HSD17B12: variants seen among roughly 807,000 people sequenced by gnomAD.
HSD17B12 encodes hydroxysteroid 17-beta dehydrogenase 12.
A neutral mutation model predicts 39.3 loss-of-function variants in HSD17B12; 32 were observed. The ratio of observed to expected loss-of-function variants is 0.81; its 90% CI spans 0.61 to 1.09. The LOEUF (loss-of-function observed/expected upper bound fraction) is 1.09, where lower values mean the gene tolerates loss of function less well. Among genes scored for constraint, HSD17B12 ranks in the 50% least tolerant of loss-of-function variants. HSD17B12 has a pLI of 0.00. For missense variants in HSD17B12, 342 were observed against 382.9 expected, an observed-to-expected ratio of 0.89 and a Z score of 0.89; for synonymous variants, 150 against 146.7, an observed-to-expected ratio of 1.02 and a Z score of -0.16.
chr11:43,768,451 G>GT (rs890174040), intron 3 of HSD17B12, among the ~76,000 whole-genome samples: 8 of 152,174 alleles, frequency 5.3e-5, no homozygotes, highest in African/African-American at 1.9e-4. Context: ...GCCTCCTGGT[G>GT]TGTCCAGAGT....
chr11:43,741,304 T>G (rs1950362283), intron 1 of HSD17B12, among the ~76,000 whole-genome samples: 1 of 152,286 alleles, frequency 6.6e-6, no homozygotes, highest in South Asian at 2.1e-4. Context: ...CTATTAAATT[T>G]TAGTTAAGAA....
the HSD17B12 span, among the ~76,000 whole-genome samples, chr11:43,572,385 T>C: frequency 6.6e-6 from 1 of 152,166 alleles, no homozygotes; most frequent in Non-Finnish European, 1.5e-5. Flanking sequence ...AGAAAATGTC[T>C]GAGAAAGTCC....
chr11:43,652,293 T>G, the HSD17B12 span, among the ~76,000 whole-genome samples: 1 of 152,196 alleles, frequency 6.6e-6, no homozygotes, highest in Non-Finnish European at 1.5e-5. Context: ...ATTTATGCTA[T>G]GTAAAACAAT....
chr11:43,807,009 A>ACACTATTAT (rs1951024780), intron 4 of HSD17B12, among the ~76,000 whole-genome samples: 1 of 151,330 alleles, frequency 6.6e-6, no homozygotes, highest in Non-Finnish European at 1.5e-5. Flanking sequence ...AATAAGAAAG[A>ACACTATTAT]CACTGTTATC....
intron 9 of HSD17B12, chr11:43,852,009 C>T (rs549813644): frequency 1.1e-4 from 16 of 147,666 alleles, no homozygotes; most frequent in African/African-American, 2.4e-4. Context: ...TTAGCTCAAA[C>T]GCTGTTTCGT....
intron 3 of HSD17B12, among the ~76,000 whole-genome samples, chr11:43,769,083 G>A (rs549360420): frequency 9.9e-5 from 15 of 152,266 alleles, no homozygotes; most frequent in Non-Finnish European, 1.5e-4. Flanking sequence ...AGGATTACAG[G>A]GGCCTGCCAC....
chr11:43,695,559 CAA>C (rs1949903388), intron 1 of HSD17B12, among the ~76,000 whole-genome samples: 1 of 152,086 alleles, frequency 6.6e-6, no homozygotes, highest in Non-Finnish European at 1.5e-5. Flanking sequence ...GCCTGGGCAA[CAA>C]GAGCAAAACT....
chr11:43,770,428 T>G (rs1368577749), intron 3 of HSD17B12, among the ~76,000 whole-genome samples: 2 of 152,150 alleles, frequency 1.3e-5, no homozygotes, highest in Admixed American at 1.3e-4. Context: ...GACTTGGCAC[T>G]GATGACATTT....
At chr11:43,774,296 C>T (rs908822929) in intron 3 of HSD17B12, among the ~76,000 whole-genome samples, 1 of 152,052 alleles carries the variant, frequency 6.6e-6, no homozygotes, top group African/African-American at 2.4e-5. Context: ...TCACTGCAAC[C>T]TCTGCCTCCC....
the HSD17B12 span, among the ~76,000 whole-genome samples, chr11:43,606,416 T>A: frequency 1.3e-5 from 2 of 152,202 alleles, no homozygotes; most frequent in African/African-American, 2.4e-5. Context: ...GTGATTACTA[T>A]GTGATTATAG....
chr11:43,655,206 T>TACA, the HSD17B12 span, among the ~76,000 whole-genome samples: 1 of 152,220 alleles, frequency 6.6e-6, no homozygotes, highest in African/African-American at 2.4e-5. Flanking sequence ...GCTCTCTGTT[T>TACA]GTCTGTTATT....
intron 6 of HSD17B12, among the ~76,000 whole-genome samples, chr11:43,829,215 A>G (rs1431500788): frequency 6.6e-6 from 1 of 152,232 alleles, no homozygotes; most frequent in African/African-American, 2.4e-5. Context: ...TGAATCCTCT[A>G]GTCGTTGAGC....
intron 1 of HSD17B12, among the ~76,000 whole-genome samples, chr11:43,715,273 G>T (rs914738994): frequency 6.6e-6 from 1 of 151,978 alleles, no homozygotes; most frequent in African/African-American, 2.4e-5. Context: ...GTCATAAATA[G>T]CTCTTATTAT....
At chr11:43,650,440 A>G in the HSD17B12 span, among the ~76,000 whole-genome samples, 2 of 152,212 alleles carry the variant, frequency 1.3e-5, no homozygotes, top group Admixed American at 1.3e-4. Context: ...CCAGTAGACT[A>G]AGAAAAATGA....
chr11:43,680,366 C>A (rs1276429942), upstream of HSD17B12, among the ~76,000 whole-genome samples: 1 of 152,204 alleles, frequency 6.6e-6, no homozygotes, highest in African/African-American at 2.4e-5. Flanking sequence ...GCCACCGCGC[C>A]CTGCCTACGC....
chr11:43,592,839 A>G, the HSD17B12 span, among the ~76,000 whole-genome samples: 2 of 151,768 alleles, frequency 1.3e-5, no homozygotes, highest in Admixed American at 1.3e-4. Flanking sequence ...CTTTCTCTTA[A>G]AGGGGGTCAG....
intron 1 of HSD17B12, among the ~76,000 whole-genome samples, chr11:43,721,752 T>C (rs6485451): frequency 0.51 from 77,271 of 151,954 alleles, 20,158 homozygotes; most frequent in African/African-American, 0.55. Context: ...AAGAGGGGCA[T>C]GAACGAGGTC....
intron 6 of HSD17B12, among the ~76,000 whole-genome samples, chr11:43,827,449 T>G (rs1951255055): frequency 6.6e-6 from 1 of 152,204 alleles, no homozygotes; most frequent in African/African-American, 2.4e-5. Context: ...AAAATAAAGT[T>G]CCTTCTACAA....
Position 43,724,685 on chromosome 11 carries a change from C to T in HSD17B12, c.161-26226C>T, listed in dbSNP as rs142776293. ...AGAGGACTGATCCCATTCATGAGGGCTCTGTCCTCGTGATCCAACCATCCA... is the reference window on the plus strand; with the variant it reads ...AGAGGACTGATCCCATTCATGAGGGTTCTGTCCTCGTGATCCAACCATCCA... On this transcript the variant is annotated intron_variant, in intron 1 of 10. Transcript: ENST00000278353. 6.1e-3 allele frequency among the ~76,000 whole-genome samples: 932 copies of T among 152,258 alleles called. 14 individuals are homozygous for T. Among genetic ancestry groups the T allele is most frequent in the African/African-American group, 0.021 (873 of 41,524 alleles).
Sources: gnomAD v4.1 joint callset for allele counts (sites outside exome capture counted in the v4.1 genomes callset) on GRCh38, gnomAD v4.1.1 for gene constraint, MANE v1.5 for transcripts, NCBI Gene and HGNC (gene_info 2026-07-23, HGNC 2026-07-21) for gene names.